MANBAL: variants seen among roughly 807,000 people sequenced by gnomAD.
MANBAL encodes mannosidase beta like.
In MANBAL, 1 loss-of-function variant was observed where a neutral mutation model predicts 6.4. The observed-to-expected ratio is 0.16, with a 90% confidence interval of 0.06 to 0.74. MANBAL has a LOEUF of 0.74. MANBAL is among the 30% of genes least tolerant of loss of function. The pLI, the probability that MANBAL is intolerant of heterozygous loss-of-function variation, is 0.78. For missense variants in MANBAL, 100 were observed against 107.8 expected (o/e 0.93, Z 0.32); for synonymous variants, 47 against 45.8 (o/e 1.03, Z -0.10).
intron 2 of MANBAL, among the ~76,000 whole-genome samples, chr20:37,306,648 T>C (rs77367721): frequency 1.3e-5 from 2 of 152,350 alleles, no homozygotes; most frequent in East Asian, 3.9e-4. Flanking sequence ...AAATAGAAGA[T>C]AGTAGGTCCT....
intron 1 of MANBAL, 61 bp from the exon 2 acceptor site, chr20:37,301,135 CATAAATAAATAA>C (rs200477783): frequency 8.6e-6 from 8 of 932,294 alleles, no homozygotes; most frequent in South Asian, 3.6e-5. Flanking sequence ...GACTCCATCT[CATAAATAAATAA>C]ATAAATAAAT....
At chr20:37,305,344 C>G (rs765905946) in intron 2 of MANBAL, among the ~76,000 whole-genome samples, 1 of 147,700 alleles carries the variant, frequency 6.8e-6, no homozygotes, top group Non-Finnish European at 1.5e-5. Flanking sequence ...GGAGGCTGCT[C>G]ACCTCCTGTT....
intron 2 of MANBAL, among the ~76,000 whole-genome samples, chr20:37,308,388 G>A (rs1213325987): frequency 2.0e-5 from 3 of 152,178 alleles, no homozygotes; most frequent in Non-Finnish European, 2.9e-5. Flanking sequence ...GTGGTTCATG[G>A]AGAGCACATG....
At chr20:37,299,709 G>C (rs1225543842) in intron 1 of MANBAL, among the ~76,000 whole-genome samples, 1 of 151,766 alleles carries the variant, frequency 6.6e-6, no homozygotes, top group East Asian at 1.9e-4. Flanking sequence ...AGTCATGCCA[G>C]GGGAAGAGGA....
intron 1 of MANBAL, chr20:37,297,561 A>T (rs1290103003): frequency 2.6e-5 from 4 of 152,030 alleles, no homozygotes; most frequent in Non-Finnish European, 5.9e-5. Flanking sequence ...TTACTTACGA[A>T]GGTTGTTTTT....
intron 1 of MANBAL, among the ~76,000 whole-genome samples, chr20:37,292,609 G>A (rs537060816): frequency 5.8e-4 from 88 of 152,248 alleles, no homozygotes; most frequent in Non-Finnish European, 1.1e-3. Context: ...CCACCATGCC[G>A]GGCCTGAACT....
chr20:37,296,963 A>G (rs1238739851), intron 1 of MANBAL: 2 of 152,158 alleles, frequency 1.3e-5, no homozygotes, highest in African/African-American at 4.8e-5. Flanking sequence ...TCTTATCACA[A>G]TGTTGCTGTT....
intron 2 of MANBAL, among the ~76,000 whole-genome samples, chr20:37,309,260 G>C (rs2069327795): frequency 6.6e-6 from 1 of 152,110 alleles, no homozygotes; most frequent in South Asian, 2.1e-4. Flanking sequence ...TTATCAGTCG[G>C]GATTGACAGG....
At chr20:37,299,048 T>A (rs1324869431) in intron 1 of MANBAL, among the ~76,000 whole-genome samples, 1 of 151,608 alleles carries the variant, frequency 6.6e-6, no homozygotes, top group Non-Finnish European at 1.5e-5. Context: ...AGCCAATTAT[T>A]TTTTACGTGT....
chr20:37,301,405 C>G lies in MANBAL; in HGVS notation c.142C>G (p.His48Asp), dbSNP rs746257147. ...CATCATCGTACCCATTCCCAAGTCC[C>G]ACGAGGCGGTGAGTTTTTCCCTGGG... ...LAIIVPIPKS[H>D]EAEAEPSEPR... The change falls in exon 2 of 3, where the codon CAC (histidine) becomes GAC (aspartate). Residue 48 changes from histidine to aspartate, a missense_variant. Transcript: ENST00000373606. 104 of 1,611,340 alleles carry G rather than the reference C, an allele frequency of 6.5e-5. No homozygotes were observed. The Middle Eastern group carries it at 8.2e-4, about 13-fold the overall frequency.
At chr20:37,299,115 C>G (rs1006381410) in intron 1 of MANBAL, among the ~76,000 whole-genome samples, 1 of 152,038 alleles carries the variant, frequency 6.6e-6, no homozygotes, top group Non-Finnish European at 1.5e-5. Flanking sequence ...GGGTCTCGCT[C>G]TGTCACCCAG....
intron 2 of MANBAL, among the ~76,000 whole-genome samples, chr20:37,311,572 C>T (rs1437546785): frequency 6.6e-6 from 1 of 152,144 alleles, no homozygotes; most frequent in East Asian, 1.9e-4. Context: ...ACGGCAGCCC[C>T]CACCTCCTGG....
At chr20:37,310,154 A>G (rs1600917828) in intron 2 of MANBAL, among the ~76,000 whole-genome samples, 2 of 152,170 alleles carry the variant, frequency 1.3e-5, no homozygotes, top group East Asian at 3.9e-4. Flanking sequence ...TTCTAATCAC[A>G]GTTCTCCCCG....
intron 2 of MANBAL, among the ~76,000 whole-genome samples, chr20:37,305,601 A>G (rs2069239178): frequency 1.3e-5 from 2 of 151,744 alleles, no homozygotes; most frequent in South Asian, 4.2e-4. Flanking sequence ...GACATCTCTC[A>G]TTTTTATTAA....
At chr20:37,291,118 A>G (rs1012428727) in intron 1 of MANBAL, among the ~76,000 whole-genome samples, 2 of 152,230 alleles carry the variant, frequency 1.3e-5, no homozygotes, top group African/African-American at 2.4e-5. Flanking sequence ...CTTGAGAGCT[A>G]TACTTGTCTC....
At chr20:37,313,150 G>A (rs950336863) in intron 2 of MANBAL, among the ~76,000 whole-genome samples, 6 of 151,864 alleles carry the variant, frequency 4.0e-5, no homozygotes, top group Admixed American at 3.3e-4. Context: ...AGGCCGAATC[G>A]GGCAGATCAC....
intron 1 of MANBAL, among the ~76,000 whole-genome samples, chr20:37,298,223 A>C (rs1017638177): frequency 1.1e-4 from 16 of 152,204 alleles, no homozygotes; most frequent in African/African-American, 3.9e-4. Context: ...AAAGAAACAG[A>C]TTTTTAAAAA....
At chr20:37,299,318 A>T (rs974449645) in intron 1 of MANBAL, among the ~76,000 whole-genome samples, 2 of 152,088 alleles carry the variant, frequency 1.3e-5, no homozygotes, top group African/African-American at 2.4e-5. Flanking sequence ...AGCTCAAGTG[A>T]TCTGCCCACC....
intron 2 of MANBAL, among the ~76,000 whole-genome samples, chr20:37,310,369 T>C (rs2146826050): frequency 6.6e-6 from 1 of 152,228 alleles, no homozygotes; most frequent in East Asian, 1.9e-4. Context: ...TTAAGCAGAC[T>C]GGTCTGAGTG....
Sources: allele counts gnomAD v4.1 joint callset (sites outside exome capture counted in the v4.1 genomes callset), GRCh38; gene constraint gnomAD v4.1.1; transcripts MANE v1.5; gene names NCBI Gene and HGNC (gene_info 2026-07-23, HGNC 2026-07-21).